The following RIMS1 variants were observed in gnomAD, a reference collection of about 807,000 sequenced individuals.
The protein encoded by RIMS1 is regulating synaptic membrane exocytosis protein 1.
A neutral mutation model predicts 214.1 loss-of-function variants in RIMS1; 83 were observed. The observed-to-expected ratio is 0.39, with a 90% CI of 0.32 to 0.47. The LOEUF (loss-of-function observed/expected upper bound fraction) is 0.47, where lower values mean the gene tolerates loss of function less well. Among genes scored for constraint, RIMS1 ranks in the 20% least tolerant of loss-of-function variants. The pLI is 0.99. For missense variants in RIMS1, 2,050 were observed against 2,161.8 expected (o/e 0.95, Z 1.03); for synonymous variants, 793 against 786.8 (o/e 1.01, Z -0.13).
intron 29 of RIMS1, among the ~76,000 whole-genome samples, chr6:72,347,742 A>G (rs2097314075): frequency 6.6e-6 from 1 of 151,916 alleles, no homozygotes; most frequent in African/African-American, 2.4e-5. Context: ...CTCTACCCAG[A>G]AAATTCTTAA....
At chr6:72,237,717 A>C in intron 8 of RIMS1, 106 bp from the exon 9 acceptor site, 1 of 803,820 alleles carries the variant, frequency 1.2e-6, no homozygotes, top group East Asian at 2.6e-5. Context: ...ATGTTTCTAC[A>C]TGCAATTTCA....
intron 29 of RIMS1, among the ~76,000 whole-genome samples, chr6:72,345,002 A>T (rs1435717940): frequency 1.3e-5 from 2 of 151,784 alleles, no homozygotes; most frequent in Non-Finnish European, 3.0e-5. Flanking sequence ...AAAGCACAAC[A>T]CTTAGCACTA....
intron 4 of RIMS1, among the ~76,000 whole-genome samples, chr6:72,106,078 C>T (rs140500502): frequency 4.2e-4 from 64 of 152,222 alleles, no homozygotes; most frequent in African/African-American, 1.4e-3. Context: ...TATGGCCTTA[C>T]TAAGGCATTT....
chr6:72,093,957 C>T (rs184867131), intron 2 of RIMS1, among the ~76,000 whole-genome samples: 1 of 152,248 alleles, frequency 6.6e-6, no homozygotes, highest in East Asian at 1.9e-4. Flanking sequence ...TGAATTACTG[C>T]TTCTCTTTCA....
At chr6:72,205,624 A>G (rs2052769836) in intron 6 of RIMS1, among the ~76,000 whole-genome samples, 1 of 152,196 alleles carries the variant, frequency 6.6e-6, no homozygotes, top group Non-Finnish European at 1.5e-5. Flanking sequence ...CCAAATAATG[A>G]GTCAACTTGT....
intron 2 of RIMS1, among the ~76,000 whole-genome samples, chr6:72,065,102 G>A (rs1343753923): frequency 2.0e-5 from 3 of 152,150 alleles, no homozygotes; most frequent in African/African-American, 7.2e-5. Flanking sequence ...TGTGATTAGA[G>A]AACATGTCCT....
rs531693863 is a variant in RIMS1 at position 71,890,140 on chromosome 6, A to G, written c.164+2953A>G. Among the ~76,000 whole-genome samples the G allele has an allele frequency of 3.3e-5, 5 of 152,320 alleles. No individual in the cohort carries two copies. The East Asian group carries it at 9.6e-4, about 29-fold the overall frequency. ...GCCTTGATTGTAAATTACTAGTTGA[A>G]TTTGGCTTTGAGAATGTCTTTAAAT... On this transcript the variant is annotated intron_variant, in intron 1 of 33. Transcript: ENST00000521978.
intron 1 of RIMS1, among the ~76,000 whole-genome samples, chr6:71,948,492 G>T (rs889140859): frequency 6.6e-6 from 1 of 152,172 alleles, no homozygotes; most frequent in Non-Finnish European, 1.5e-5. Flanking sequence ...AATGTGAACA[G>T]TATAGAACAG....
At chr6:72,314,017 C>T (rs569379297) in intron 28 of RIMS1, among the ~76,000 whole-genome samples, 2 of 152,258 alleles carry the variant, frequency 1.3e-5, no homozygotes, top group Admixed American at 1.3e-4. Context: ...GGCAACTACT[C>T]AACAATGTCA....
chr6:72,058,515 GTCTT>G (rs1826970934), intron 2 of RIMS1, among the ~76,000 whole-genome samples: 1 of 152,208 alleles, frequency 6.6e-6, no homozygotes, highest in Non-Finnish European at 1.5e-5. Flanking sequence ...GACTGAGTCT[GTCTT>G]TCTCCCATCC....
intron 2 of RIMS1, among the ~76,000 whole-genome samples, chr6:72,023,364 T>C (rs1815317501): frequency 6.6e-6 from 1 of 152,206 alleles, no homozygotes. Flanking sequence ...ACACACTTGA[T>C]AGTTTTAAAT....
chr6:71,949,331 T>G (rs1788762200), intron 1 of RIMS1, among the ~76,000 whole-genome samples: 1 of 152,164 alleles, frequency 6.6e-6, no homozygotes, highest in South Asian at 2.1e-4. Context: ...GATTATCTTT[T>G]TCTCTTCTTT....
At chr6:72,377,416 G>A (rs1161395918) in intron 29 of RIMS1, among the ~76,000 whole-genome samples, 5 of 152,162 alleles carry the variant, frequency 3.3e-5, no homozygotes, top group Admixed American at 3.3e-4. Flanking sequence ...CTGAAGGTTA[G>A]TTCAGAAGGG....
chr6:72,300,192 G>C (rs994716995), intron 26 of RIMS1, among the ~76,000 whole-genome samples: 1 of 151,702 alleles, frequency 6.6e-6, no homozygotes, highest in Non-Finnish European at 1.5e-5. Flanking sequence ...TAATGCTTTT[G>C]ACCCTGTTTT....
chr6:72,284,108 G>A lies in RIMS1; in HGVS notation c.3544G>A (p.Asp1182Asn), dbSNP rs768790227. Residue 1182 changes from aspartate (D) to asparagine (N), a missense_variant, in exon 24 of 34, where the codon GAT becomes AAT. Around this residue, in one of 6 missense-constraint regions of RIMS1, gnomAD observed 889 missense variants for 885.5 expected, o/e 1.00. Transcript: ENST00000521978. ...QKQTRKGTAS[D>N]AERVLPTCLS... ...ACAGACTAGGAAAGGCACTGCCTCT[G>A]ATGCAGAAAGGTAGGCTTGGTGTTG... is the stretch of plus-strand genomic sequence containing the variant. 2.5e-6 allele frequency: 4 copies of A among 1,612,898 alleles called. No homozygotes were observed.
At chr6:72,087,740 T>C (rs1328489214) in intron 2 of RIMS1, among the ~76,000 whole-genome samples, 1 of 152,222 alleles carries the variant, frequency 6.6e-6, no homozygotes, top group Non-Finnish European at 1.5e-5. Context: ...AGGATCATAC[T>C]CATAAAGCCA....
intron 28 of RIMS1, chr6:72,316,750 A>T: frequency 1.5e-6 from 1 of 669,350 alleles, no homozygotes; most frequent in South Asian, 1.4e-5. Flanking sequence ...CTGGTTTCAG[A>T]GGCCACTCCC....
At chr6:72,046,026 A>T (rs917134349) in intron 2 of RIMS1, among the ~76,000 whole-genome samples, 2 of 152,054 alleles carry the variant, frequency 1.3e-5, no homozygotes, top group African/African-American at 4.8e-5. Flanking sequence ...TCAAAGACAT[A>T]ATTTTCTTTT....
At chr6:72,171,518 C>T (rs1290800422) in intron 4 of RIMS1, among the ~76,000 whole-genome samples, 2 of 152,040 alleles carry the variant, frequency 1.3e-5, no homozygotes, top group South Asian at 4.1e-4. Flanking sequence ...TGCTTACTTA[C>T]TATATTTCAG....
Sources: gnomAD v4.1 joint callset for allele counts (sites outside exome capture counted in the v4.1 genomes callset) on GRCh38, gnomAD v4.1.1 for gene constraint, gnomAD v4.1.1 regional missense constraint, MANE v1.5 for transcripts, NCBI Gene and HGNC (gene_info 2026-07-23, HGNC 2026-07-21) for gene names.